TRIM66: variants seen among roughly 807,000 people sequenced by gnomAD.
The protein encoded by TRIM66 is tripartite motif-containing protein 66.
In TRIM66, 99 loss-of-function variants were observed where a neutral mutation model predicts 148.2. The observed-to-expected ratio is 0.67, with a 90% CI of 0.57 to 0.79. TRIM66 has a LOEUF of 0.79. Ranked by LOEUF, TRIM66 falls within the 30% of genes least tolerant of loss-of-function variation. The pLI is 0.00. For synonymous variants in TRIM66, 616 were observed against 635.9 expected (o/e 0.97, Z 0.47); for missense variants, 1,666 against 1,697.9 (o/e 0.98, Z 0.33).
chr11:8,673,388 G>A (rs987426896), intron 4 of TRIM66, among the ~76,000 whole-genome samples: 2 of 152,162 alleles, frequency 1.3e-5, no homozygotes, highest in East Asian at 1.9e-4. Context: ...TGATTTTGGG[G>A]GTAGTGTTAA....
intron 6 of TRIM66, among the ~76,000 whole-genome samples, chr11:8,659,476 G>A (rs940762564): frequency 6.6e-6 from 1 of 152,184 alleles, no homozygotes; most frequent in Non-Finnish European, 1.5e-5. Flanking sequence ...GAATCAAGTG[G>A]AGGGGCTGTC....
At chr11:8,675,723 A>C (rs1431454405) in intron 3 of TRIM66, among the ~76,000 whole-genome samples, 1 of 151,000 alleles carries the variant, frequency 6.6e-6, no homozygotes, top group East Asian at 2.0e-4. Context: ...TTCACTTTTT[A>C]TTTTTTTAAT....
Position 8,640,387 on chromosome 11 carries a change from T to C in TRIM66, c.1988A>G (p.Gln663Arg). 1 of 1,551,974 alleles carries C rather than the reference T, an allele frequency of 6.4e-7. No individual in the cohort carries two copies. Among genetic ancestry groups the C allele is most frequent in the Admixed American group, 2.0e-5 (1 of 50,994 alleles). ...MHHKFELEEM[Q>R]KDLELLLQAQ... The stretch of plus-strand genomic sequence containing the variant: ...CTGGAGAAGAAGCTCCAAGTCCTTC[T>C]GCATTTCCTCCAGCTCAAACTTGTG... The change falls in exon 14 of 25, where the codon CAG becomes CGG. Residue 663 changes from glutamine to arginine, a missense_variant. Physicochemically the swap from Gln to Arg is conservative, Grantham distance 43. Transcript: ENST00000646038.
chr11:8,636,069 C>T (rs2035852502), intron 15 of TRIM66, among the ~76,000 whole-genome samples: 1 of 152,042 alleles, frequency 6.6e-6, no homozygotes, highest in East Asian at 1.9e-4. Context: ...ATTCCTGGGC[C>T]TATTGTAGAC....
intron 3 of TRIM66, chr11:8,679,294 T>A (rs769231314): frequency 3.3e-5 from 5 of 152,198 alleles, no homozygotes; most frequent in Non-Finnish European, 7.3e-5. Context: ...GAGAGGGAGC[T>A]GGATAGAAAA....
intron 6 of TRIM66, among the ~76,000 whole-genome samples, chr11:8,653,656 T>C (rs2037556983): frequency 6.6e-6 from 1 of 152,008 alleles, no homozygotes; most frequent in Non-Finnish European, 1.5e-5. Flanking sequence ...ATAAAATAAA[T>C]AAAGTTTAGT....
At position 8,640,371 on chromosome 11, in the gene TRIM66, A is replaced by C. The variant is rs748238556; in HGVS notation, c.2004T>G (p.Leu668=). Residue 668 remains leucine (L), a synonymous_variant, in exon 14 of 25, where the codon CTT becomes CTG. Transcript: ENST00000646038. ...ELEEMQKDLE[L]LLQAQQPSLQ... The stretch of plus-strand genomic sequence containing the variant: ...GGCTGGGCTGTTGAGCCTGGAGAAG[A>C]AGCTCCAAGTCCTTCTGCATTTCCT... 304 of 1,551,684 alleles carry C rather than the reference A, an allele frequency of 2.0e-4. No individual in the cohort carries two copies. The highest frequency in any genetic ancestry group is 4.0e-4 in the South Asian group (34 of 84,056).
chr11:8,620,946 G>A (rs1282941209), intron 20 of TRIM66, 86 bp downstream of exon 20: 4 of 1,473,704 alleles, frequency 2.7e-6, no homozygotes, highest in Non-Finnish European at 3.6e-6. Context: ...GCCCATCCTG[G>A]GAGCTCTGTG....
At chr11:8,654,709 T>C (rs1476308403) in intron 6 of TRIM66, 1 of 152,236 alleles carries the variant, frequency 6.6e-6, no homozygotes, top group Non-Finnish European at 1.5e-5. Flanking sequence ...TTAAGTATGA[T>C]GACATATAAT....
At chr11:8,680,244 C>G (rs548795236) in intron 1 of TRIM66, among the ~76,000 whole-genome samples, 181 bp from the exon 2 acceptor site, 5 of 152,196 alleles carry the variant, frequency 3.3e-5, no homozygotes, top group Admixed American at 2.6e-4. Flanking sequence ...TGGGGTAAGG[C>G]TGGAAAGGCA....
intron 6 of TRIM66, among the ~76,000 whole-genome samples, chr11:8,656,875 G>A: frequency 6.6e-6 from 1 of 152,168 alleles, no homozygotes; most frequent in East Asian, 1.9e-4. Flanking sequence ...AGAGAAAAGG[G>A]CAGATTCCCA....
At chr11:8,631,679 G>A (rs996345575) in intron 15 of TRIM66, among the ~76,000 whole-genome samples, 3 of 152,186 alleles carry the variant, frequency 2.0e-5, no homozygotes, top group Admixed American at 1.3e-4. Flanking sequence ...TGCCCTTATA[G>A]AAATCTTGAC....
In TRIM66 at chr11:8,640,556, G is replaced by A; in HGVS notation, c.1819C>T (p.Pro607Ser). 6.5e-7 allele frequency: 1 copy of A among 1,546,442 alleles called. No individual in the cohort carries two copies. Among genetic ancestry groups the A allele is most frequent in the Non-Finnish European group, 8.7e-7 (1 of 1,144,744 alleles). Residue 607 changes from proline to serine, a missense_variant, in exon 14 of 25, where the codon CCA becomes TCA. Transcript: ENST00000646038. ...GGAGGTGGGGGATGGGGGAGGGGTG[G>A]TGGTGGAGGTGGTAGCTGCTGCTGT... ...QPQQQLPPPP[P>S]PLPHPPPPLP...
At chr11:8,671,282 G>A (rs778137982) in intron 6 of TRIM66, among the ~76,000 whole-genome samples, 19 of 152,196 alleles carry the variant, frequency 1.2e-4, no homozygotes, top group Non-Finnish European at 2.6e-4. Context: ...CCCGGTTCCC[G>A]TCTCCAGTGA....
In TRIM66 at chr11:8,676,470, C is replaced by T. The variant is rs1372440168; in HGVS notation, c.-189-1587G>A. Among the ~76,000 whole-genome samples, 5 of 152,302 alleles carry T rather than the reference C, an allele frequency of 3.3e-5. No individual in the cohort carries two copies. The East Asian group carries it at 9.6e-4, about 29-fold the overall frequency. ...CACCCCATAAGGTCTACAGACCACA[C>T]TTGGAGAACTACTGCATTAGACCTT... On this transcript the variant is annotated intron_variant, in intron 3 of 24. Transcript: ENST00000646038.
rs1592093978 is a variant in TRIM66 at position 8,639,967 on chromosome 11, C to G, written c.2148+260G>C. Among the ~76,000 whole-genome samples the G allele has an allele frequency of 4.6e-5, 7 of 152,202 alleles. 1 individual carries two copies. Among genetic ancestry groups the G allele is most frequent in the Admixed American group, 4.6e-4 (7 of 15,292 alleles). ...CGGTGGGCAGGGTCCCTACTGTCAT[C>G]CAGGAAGACAGGGCTAAGCCAAGCT... On this transcript the variant is annotated intron_variant, in intron 14 of 24. Coordinates refer to ENST00000646038, the MANE Select transcript of TRIM66 (RefSeq NM_001388022.1).
chr11:8,627,220 G>A (rs1592038840), intron 15 of TRIM66, among the ~76,000 whole-genome samples: 1 of 152,306 alleles, frequency 6.6e-6, no homozygotes, highest in South Asian at 2.1e-4. Flanking sequence ...CAAGAGCAGT[G>A]TCTGGATGAA....
chr11:8,628,918 G>A (rs557437839), intron 15 of TRIM66, among the ~76,000 whole-genome samples: 1 of 152,170 alleles, frequency 6.6e-6, no homozygotes, highest in Non-Finnish European at 1.5e-5. Flanking sequence ...TTTAAACACA[G>A]ATGAGTTAAA....
chr11:8,656,778 G>T (rs1238910906), intron 6 of TRIM66, among the ~76,000 whole-genome samples: 6 of 152,196 alleles, frequency 3.9e-5, no homozygotes, highest in Admixed American at 3.9e-4. Context: ...ATGCAGCTGA[G>T]AAAGGCAGGC....
Sources: gnomAD v4.1 joint callset for allele counts (sites outside exome capture counted in the v4.1 genomes callset) on GRCh38, gnomAD v4.1.1 for gene constraint, MANE v1.5 for transcripts, NCBI Gene and HGNC (gene_info 2026-07-23, HGNC 2026-07-21) for gene names.